BAZ1A: variants seen among roughly 807,000 people sequenced by gnomAD.
BAZ1A encodes bromodomain adjacent to zinc finger domain protein 1A.
BAZ1A carries 50 observed loss-of-function variants against 185.2 expected under a neutral mutation model. The ratio of observed to expected loss-of-function variants is 0.27; its 90% CI spans 0.22 to 0.34. The LOEUF (loss-of-function observed/expected upper bound fraction) is 0.34. Among genes scored for constraint, BAZ1A ranks in the 10% least tolerant of loss-of-function variants. BAZ1A has a pLI of 1.00. For synonymous variants in BAZ1A, 571 were observed against 615.6 expected (o/e 0.93, Z 1.07); for missense variants, 1,356 against 1,839.9 (o/e 0.74, Z 4.81).
intron 2 of BAZ1A, among the ~76,000 whole-genome samples, chr14:34,868,954 A>G (rs1257252868): frequency 6.6e-6 from 1 of 150,568 alleles, no homozygotes; most frequent in African/African-American, 2.4e-5. Context: ...TATACATAAT[A>G]TATACGTATA....
intron 17 of BAZ1A, among the ~76,000 whole-genome samples, chr14:34,776,872 T>C (rs142367874): frequency 2.3e-4 from 35 of 152,290 alleles, no homozygotes; most frequent in African/African-American, 8.2e-4. Flanking sequence ...CCCTGCTTGA[T>C]CTTGGACTTC....
intron 19 of BAZ1A, among the ~76,000 whole-genome samples, chr14:34,774,109 G>A (rs1446876993): frequency 6.6e-6 from 1 of 152,146 alleles, no homozygotes. Flanking sequence ...GCTAGTCAAG[G>A]AAGAAGAAAA....
chr14:34,846,318 T>G (rs1409768343), intron 3 of BAZ1A, among the ~76,000 whole-genome samples: 1 of 152,170 alleles, frequency 6.6e-6, no homozygotes, highest in African/African-American at 2.4e-5. Context: ...CTCAGCTGAC[T>G]GCATATGGCA....
intron 6 of BAZ1A, among the ~76,000 whole-genome samples, chr14:34,804,333 C>T (rs925467512): frequency 6.6e-6 from 1 of 152,112 alleles, no homozygotes; most frequent in African/African-American, 2.4e-5. Flanking sequence ...CCATGTGCAA[C>T]CCTAGACTTT....
At chr14:34,758,115 C>CA (rs1192197844) in intron 25 of BAZ1A, among the ~76,000 whole-genome samples, 5,023 of 62,054 alleles carry the variant, frequency 0.081, 348 homozygotes, top group African/African-American at 0.21. Flanking sequence ...GACCCTGTCT[C>CA]AAAAAAAAAA....
chr14:34,798,949 G>A (rs567187726), intron 9 of BAZ1A, among the ~76,000 whole-genome samples: 2 of 152,082 alleles, frequency 1.3e-5, no homozygotes, highest in East Asian at 3.9e-4. Context: ...GTTTATTGTG[G>A]CACTATTCAC....
At chr14:34,759,171 GTTTTTTTTTT>G (rs780287749) in intron 24 of BAZ1A, among the ~76,000 whole-genome samples, 689 of 66,482 alleles carry the variant, frequency 0.01, 16 homozygotes, top group African/African-American at 0.042. Context: ...TACAGCTACA[GTTTTTTTTTT>G]TTTTTTTTTT....
rs562160763 is a variant in BAZ1A, at chr14:34,765,227, G to T, written c.3343C>A (p.Arg1115Ser). The T allele has an allele frequency of 3.1e-6, 5 of 1,614,058 alleles. No individual in the cohort carries two copies. Among genetic ancestry groups the T allele is most frequent in the Non-Finnish European group, 4.2e-6 (5 of 1,179,998 alleles). ...SGRSYKTVLD[R>S]WRESLLSSAS... is the part of the protein sequence containing the mutation. ...GAAGAAAGGAGAGACTCTCTCCAAC[G>T]GTCCAGAACTGTTTTATAAGAACGC... The change falls in exon 22 of 27, where the codon CGT becomes AGT. Residue 1115 changes from arginine (R) to serine (S), a missense_variant. Coordinates refer to ENST00000360310, the MANE Select transcript of BAZ1A (RefSeq NM_013448.3).
intron 3 of BAZ1A, among the ~76,000 whole-genome samples, chr14:34,853,213 TAGGCTCTA>T (rs1279389463): frequency 6.6e-6 from 1 of 152,190 alleles, no homozygotes; most frequent in African/African-American, 2.4e-5. Flanking sequence ...ACTTCTCCTG[TAGGCTCTA>T]AGGAAGTAGC....
chr14:34,792,367 G>T (rs1044388863), intron 12 of BAZ1A, among the ~76,000 whole-genome samples: 1 of 150,574 alleles, frequency 6.6e-6, no homozygotes. Flanking sequence ...CCTGGCAACA[G>T]AGCGAAACTC....
At chr14:34,861,953 G>C in intron 3 of BAZ1A, 91 bp downstream of exon 3, 1 of 1,415,522 alleles carries the variant, frequency 7.1e-7, no homozygotes, top group Non-Finnish European at 9.7e-7. Context: ...TAGTAAAAGG[G>C]AAGATTTCCT....
intron 12 of BAZ1A, among the ~76,000 whole-genome samples, chr14:34,790,674 A>AC (rs1043385135): frequency 6.6e-6 from 1 of 152,070 alleles, no homozygotes; most frequent in Non-Finnish European, 1.5e-5. Context: ...TTTTGTAGAG[A>AC]CAGGGGTCTC....
At position 34,811,147 on chromosome 14, in the gene BAZ1A, T is replaced by A. The variant is rs539407441; in HGVS notation, c.537-111A>T. 6.6e-5 allele frequency: 46 copies of A among 696,356 alleles called. No individual in the cohort carries two copies. In the East Asian group the frequency reaches 1.2e-3, roughly 19 times the overall value. The allele number at this position is 696,356 out of a possible 1,614,324, so 43.1% of individuals were successfully genotyped here. A position where few individuals can be genotyped will look rare whatever the true frequency, so the allele number is the denominator to read the frequency against. On this transcript the variant is annotated intron_variant, in intron 4 of 26. Transcript: ENST00000360310. Reference sequence around the variant, plus strand: ...TATAATAAAATCACATATTTCAAAATTTTTTTTTGTTTTTGAGATGGAGTC... The same window carrying A: ...TATAATAAAATCACATATTTCAAAAATTTTTTTTGTTTTTGAGATGGAGTC...
intron 2 of BAZ1A, 48 bp from the exon 3 acceptor site, chr14:34,862,370 C>T: frequency 6.5e-7 from 1 of 1,544,158 alleles, no homozygotes; most frequent in Non-Finnish European, 8.7e-7. Flanking sequence ...CCTATCATTT[C>T]ACAAATTTTA....
intron 2 of BAZ1A, among the ~76,000 whole-genome samples, chr14:34,872,356 G>A (rs1374301767): frequency 6.6e-6 from 1 of 152,126 alleles, no homozygotes; most frequent in East Asian, 1.9e-4. Context: ...TAGCACTTTG[G>A]GAGACCAAGG....
At position 34,790,168 on chromosome 14, in the gene BAZ1A, C is replaced by CT. The variant is rs60291735; in HGVS notation, c.1510+2606dup. On this transcript the variant is annotated intron_variant, in intron 12 of 26. Coordinates refer to ENST00000360310, the MANE Select transcript of BAZ1A (RefSeq NM_013448.3). The stretch of plus-strand genomic sequence containing the variant: ...TCCCTAACATTTAAATAAATATTTT[C>CT]TTTTTTTTTTTTTTCCCTTTGAAAC... 1.5e-3 allele frequency among the ~76,000 whole-genome samples: 208 copies of CT among 140,622 alleles called. 1 individual carries two copies. Among genetic ancestry groups the CT allele is most frequent in the African/African-American group, 3.6e-3 (140 of 38,392 alleles). 92.3% of individuals were successfully genotyped at this position (140,622 alleles called of 152,430 possible). A position where few individuals can be genotyped will look rare whatever the true frequency, so the allele number is the denominator to read the frequency against.
intron 24 of BAZ1A, 47 bp from the exon 25 acceptor site, chr14:34,758,893 T>G (rs370447572): frequency 1.9e-6 from 3 of 1,594,588 alleles, no homozygotes; most frequent in Non-Finnish European, 2.6e-6. Flanking sequence ...AGCAAAATAT[T>G]GGTTCACTAC....
At chr14:34,801,294 A>G in intron 7 of BAZ1A, 101 bp from the exon 8 acceptor site, 12 of 811,492 alleles carry the variant, frequency 1.5e-5, no homozygotes, top group Non-Finnish European at 2.3e-5. Flanking sequence ...TACTAAAATG[A>G]TTTTTTTATT....
In BAZ1A at chr14:34,764,360, G is replaced by A. The variant is rs193055134; in HGVS notation, c.3776+347C>T. Among the ~76,000 whole-genome samples, 747 of 134,882 alleles carry A rather than the reference G, an allele frequency of 5.5e-3. 6 individuals carry two copies. Among genetic ancestry groups the A allele is most frequent in the African/African-American group, 0.02 (714 of 35,254 alleles). The allele number at this position is 134,882 out of a possible 152,430, so 88.5% of individuals were successfully genotyped here. A position where few individuals can be genotyped will look rare whatever the true frequency, so the allele number is the denominator to read the frequency against. The stretch of plus-strand genomic sequence containing the variant: ...AGACTGGAGTGCAATGGCGTGATCC[G>A]TTACCTCACTGCAACCTCCGCTCCC... On this transcript the variant is annotated intron_variant, in intron 23 of 26. Coordinates refer to ENST00000360310, the MANE Select transcript of BAZ1A (RefSeq NM_013448.3).
Sources: gnomAD v4.1 joint callset for allele counts (sites outside exome capture counted in the v4.1 genomes callset) on GRCh38, gnomAD v4.1.1 for gene constraint, MANE v1.5 for transcripts, NCBI Gene and HGNC (gene_info 2026-07-23, HGNC 2026-07-21) for gene names.